FBLN7: variants seen among roughly 807,000 people sequenced by gnomAD.
FBLN7 encodes the protein fibulin-7.
Under a neutral mutation model 44.0 loss-of-function variants are expected in FBLN7, and 31 were observed. That is an observed-to-expected ratio of 0.70 (90% CI 0.53 to 0.95). The LOEUF (loss-of-function observed/expected upper bound fraction) is 0.95, where lower values mean the gene tolerates loss of function less well. FBLN7 is among the 40% of genes least tolerant of loss of function. The pLI, the probability that FBLN7 is intolerant of heterozygous loss-of-function variation, is 0.00. For synonymous variants in FBLN7, 262 were observed against 253.4 expected (o/e 1.03, Z -0.32); for missense variants, 573 against 618.5 (o/e 0.93, Z 0.78).
chr2:112,153,835 A>C (rs1681285102), intron 1 of FBLN7, among the ~76,000 whole-genome samples: 1 of 152,186 alleles, frequency 6.6e-6, no homozygotes, highest in Non-Finnish European at 1.5e-5. Context: ...GCCGGAGTAA[A>C]CACTGTGCGA....
At chr2:112,240,992 T>C in the FBLN7 span, among the ~76,000 whole-genome samples, 12,154 of 143,378 alleles carry the variant, frequency 0.085, 631 homozygotes, top group Non-Finnish European at 0.12. Context: ...TGTGCGCGTG[T>C]GTATGTGTGT....
chr2:112,160,688 A>G (rs1415334232), intron 2 of FBLN7, among the ~76,000 whole-genome samples: 2 of 128,500 alleles, frequency 1.6e-5, no homozygotes, highest in Admixed American at 7.5e-5. Context: ...AGACGCACGC[A>G]CACGCACACA....
chr2:112,188,969 A>T (rs1683393140), downstream of FBLN7: 1 of 152,254 alleles, frequency 6.6e-6, no homozygotes, highest in African/African-American at 2.4e-5. Flanking sequence ...CACACCACCC[A>T]GTCCCATGTG....
chr2:112,145,306 C>A (rs1680850846), intron 1 of FBLN7, among the ~76,000 whole-genome samples: 2 of 151,974 alleles, frequency 1.3e-5, no homozygotes. Flanking sequence ...CTTTTTCTTT[C>A]TTTTTATTTT....
the FBLN7 span, among the ~76,000 whole-genome samples, chr2:112,224,473 T>TAGC: frequency 1.3e-5 from 2 of 152,222 alleles, no homozygotes; most frequent in African/African-American, 2.4e-5. Context: ...AAAATATTAA[T>TAGC]AGCAGTCTCT....
At chr2:112,144,927 T>G (rs1291286619) in intron 1 of FBLN7, among the ~76,000 whole-genome samples, 2 of 152,236 alleles carry the variant, frequency 1.3e-5, no homozygotes, top group Non-Finnish European at 2.9e-5. Context: ...AAATATGCTT[T>G]TCATGTGAAT....
the FBLN7 span, among the ~76,000 whole-genome samples, chr2:112,243,365 T>C: frequency 1.3e-5 from 2 of 152,192 alleles, no homozygotes; most frequent in Non-Finnish European, 2.9e-5. Flanking sequence ...CGAACAAAGT[T>C]CCATAAATGT....
chr2:112,217,735 T>A, the FBLN7 span, among the ~76,000 whole-genome samples: 2 of 152,216 alleles, frequency 1.3e-5, no homozygotes, highest in Non-Finnish European at 2.9e-5. Context: ...AAAATTATAA[T>A]TTTTGCTTAA....
chr2:112,176,094 C>G (rs920770136), intron 4 of FBLN7: 6 of 300,124 alleles, frequency 2.0e-5, no homozygotes, highest in African/African-American at 1.3e-4. Context: ...TGACTCCCAA[C>G]GTAAAAATCC....
At chr2:112,214,971 A>G in the FBLN7 span, 3 of 152,162 alleles carry the variant, frequency 2.0e-5, no homozygotes, top group African/African-American at 7.2e-5. Flanking sequence ...GAGTCCCTCA[A>G]ATCTCTGCGG....
chr2:112,236,712 A>C, the FBLN7 span: 1 of 1,580,642 alleles, frequency 6.3e-7, no homozygotes, highest in Admixed American at 1.8e-5. Context: ...ACAAAAAATT[A>C]ATTTAAAAAA....
intron 1 of FBLN7, among the ~76,000 whole-genome samples, chr2:112,154,469 C>T (rs1254243535): frequency 6.6e-6 from 1 of 152,144 alleles, no homozygotes; most frequent in Non-Finnish European, 1.5e-5. Flanking sequence ...AGGGGCCTCC[C>T]CTTGCTGCCC....
At chr2:112,235,984 A>G in the FBLN7 span, among the ~76,000 whole-genome samples, 1 of 150,426 alleles carries the variant, frequency 6.6e-6, no homozygotes, top group African/African-American at 2.4e-5. Flanking sequence ...ACAGTGGCTC[A>G]TGCCTGTAAT....
chr2:112,170,848 G>A (rs1335772259), intron 3 of FBLN7, among the ~76,000 whole-genome samples: 1 of 152,238 alleles, frequency 6.6e-6, no homozygotes, highest in Non-Finnish European at 1.5e-5. Context: ...TATTGCAGAA[G>A]TCCAGGGGAG....
At position 112,181,802 on chromosome 2, in the gene FBLN7, T is replaced by G. The variant is rs1683011670; in HGVS notation, c.596T>G (p.Val199Gly). Residue 199 changes from valine to glycine, a missense_variant, in exon 5 of 8, where the codon GTG becomes GGG. Val to Gly is a moderately radical substitution (Grantham distance 109). Coordinates refer to ENST00000331203, the MANE Select transcript of FBLN7 (RefSeq NM_153214.3). ...AGCCGCGCGCCGCGCTGTGCGCAGG[T>G]GGAGCGGGCTCAGCACTGCAGCTGC... ...AFSRAPRCAQ[V>G]ERAQHCSCEA... The G allele has an allele frequency of 6.7e-7, 1 of 1,491,558 alleles. No homozygotes were observed. The highest frequency in any genetic ancestry group is 8.9e-7 in the Non-Finnish European group (1 of 1,127,526). 92.4% of individuals were successfully genotyped at this position (1,491,558 alleles called of 1,614,324 possible). A position where few individuals can be genotyped will look rare whatever the true frequency, so the allele number is the denominator to read the frequency against.
At chr2:112,235,936 T>A in the FBLN7 span, among the ~76,000 whole-genome samples, 115 of 122,496 alleles carry the variant, frequency 9.4e-4, no homozygotes, top group African/African-American at 1.1e-3. Flanking sequence ...AGTATAACAC[T>A]AAAAAAAAAA....
the FBLN7 span, among the ~76,000 whole-genome samples, chr2:112,195,814 G>A: frequency 6.6e-6 from 1 of 152,250 alleles, no homozygotes; most frequent in African/African-American, 2.4e-5. Context: ...TCCAGTGCCA[G>A]CCTGTCCTGT....
the FBLN7 span, among the ~76,000 whole-genome samples, chr2:112,201,162 T>C: frequency 4.6e-5 from 7 of 152,152 alleles, no homozygotes; most frequent in Non-Finnish European, 1.0e-4. Context: ...ACAGAGGAAA[T>C]GTGAGTGAGG....
the FBLN7 span, among the ~76,000 whole-genome samples, chr2:112,198,547 G>T: frequency 6.6e-6 from 1 of 151,812 alleles, no homozygotes; most frequent in Admixed American, 6.6e-5. Flanking sequence ...TGAGGGAGGA[G>T]AATCGCTTGA....
Sources: gnomAD v4.1 joint callset for allele counts (sites outside exome capture counted in the v4.1 genomes callset) on GRCh38, gnomAD v4.1.1 for gene constraint, MANE v1.5 for transcripts, NCBI Gene and HGNC (gene_info 2026-07-23, HGNC 2026-07-21) for gene names.